The following RASSF4 variants were observed in gnomAD, a reference collection of about 807,000 sequenced individuals.
The protein encoded by RASSF4 is Ras association domain family member 4, also known as ras association domain-containing protein 4.
In RASSF4, 38 loss-of-function variants were observed where a neutral mutation model predicts 41.1. The ratio of observed to expected loss-of-function variants is 0.92; its 90% CI spans 0.71 to 1.21. The LOEUF (loss-of-function observed/expected upper bound fraction) is 1.21. RASSF4 is among the 50% of genes most tolerant of loss of function. The pLI, the probability that RASSF4 is intolerant of heterozygous loss-of-function variation, is 0.00. For missense variants in RASSF4, 414 were observed against 419.4 expected, an observed-to-expected ratio of 0.99 and a Z score of 0.11; for synonymous variants, 179 against 163.4, an observed-to-expected ratio of 1.10 and a Z score of -0.73.
intron 1 of RASSF4, among the ~76,000 whole-genome samples, chr10:44,965,832 C>T (rs1333649843): frequency 2.0e-5 from 3 of 152,216 alleles, no homozygotes; most frequent in Admixed American, 6.5e-5. Flanking sequence ...CTCTCCTTTA[C>T]TTTCCTCCTG....
At chr10:44,963,103 GA>G (rs754504592) in intron 1 of RASSF4, among the ~76,000 whole-genome samples, 2 of 152,054 alleles carry the variant, frequency 1.3e-5, no homozygotes, top group Non-Finnish European at 2.9e-5. Context: ...AGGTGGAGGG[GA>G]GCTCTGTGCC....
chr10:44,989,819 A>C, intron 8 of RASSF4, 98 bp downstream of exon 8: 1 of 1,087,448 alleles, frequency 9.2e-7, no homozygotes, highest in East Asian at 2.4e-5. Flanking sequence ...TCCCTTCCAG[A>C]TGGGCTCCGT....
In RASSF4 at chr10:44,960,257, G is replaced by C. The variant is rs114315508; in HGVS notation, c.-39+391G>C. ...TCGAACGCCAAGATAATAGCAGCAGGGGGGGTCTGTCTCACAATCGCTGTC... is the reference window on the plus strand; with the variant it reads ...TCGAACGCCAAGATAATAGCAGCAGCGGGGGTCTGTCTCACAATCGCTGTC... On this transcript the variant is annotated intron_variant, in intron 1 of 10. Transcript: ENST00000340258. 2.6e-3 allele frequency among the ~76,000 whole-genome samples: 394 copies of C among 152,316 alleles called. 4 individuals are homozygous for C. The highest frequency in any genetic ancestry group is 4.7e-3 in the Non-Finnish European group (317 of 68,014).
At chr10:44,991,184 A>C in intron 9 of RASSF4, 115 bp downstream of exon 9, 2 of 1,010,908 alleles carry the variant, frequency 2.0e-6, no homozygotes, top group East Asian at 2.6e-5. Flanking sequence ...CAGGAGCTCC[A>C]CACTCTCCCA....
rs150292734 is a variant in RASSF4, at chr10:44,972,270, C to T, written c.138+422C>T. The stretch of plus-strand genomic sequence containing the variant: ...ATATCTGCAGGGTCTCACCTGTGGC[C>T]CCTGGTCCCCAGTACTCTCATTTGT... On this transcript the variant is annotated intron_variant, in intron 3 of 10. Transcript: ENST00000340258. 3.4e-3 allele frequency among the ~76,000 whole-genome samples: 513 copies of T among 152,276 alleles called. 3 individuals carry two copies. Among genetic ancestry groups the T allele is most frequent in the African/African-American group, 0.012 (498 of 41,532 alleles).
chr10:44,964,706 T>A (rs1341690297), intron 1 of RASSF4, among the ~76,000 whole-genome samples: 11 of 152,230 alleles, frequency 7.2e-5, no homozygotes, highest in African/African-American at 2.7e-4. Flanking sequence ...GGAGATTCAA[T>A]GCAAAAGGCT....
chr10:44,960,855 A>G (rs1588775976), intron 1 of RASSF4, among the ~76,000 whole-genome samples: 1 of 152,210 alleles, frequency 6.6e-6, no homozygotes, highest in Admixed American at 6.5e-5. Flanking sequence ...TTAACTGCCC[A>G]CAGTACTAAG....
At chr10:44,992,105 C>G (rs1284495960) in intron 10 of RASSF4, 103 bp downstream of exon 10, 2 of 713,714 alleles carry the variant, frequency 2.8e-6, no homozygotes, top group African/African-American at 3.5e-5. Context: ...TCCATGGGCA[C>G]CAGTACCCTG....
intron 3 of RASSF4, chr10:44,978,244 G>A (rs1467376045): frequency 1.8e-6 from 1 of 550,728 alleles, no homozygotes; most frequent in Non-Finnish European, 3.1e-6. Context: ...AACCCCAAAG[G>A]CTTAAGATTT....
At chr10:44,984,997 T>G (rs775055017) in intron 6 of RASSF4, 27 bp downstream of exon 6, 33 of 1,596,060 alleles carry the variant, frequency 2.1e-5, no homozygotes, top group Non-Finnish European at 2.6e-5. Context: ...GCCTCTCCCC[T>G]GGGCGCATGG....
chr10:44,971,383 G>A (rs1363655901), intron 2 of RASSF4: 1 of 408,258 alleles, frequency 2.4e-6, no homozygotes, highest in Non-Finnish European at 5.0e-6. Context: ...AAGTGATATG[G>A]GGAAAAGCAA....
In RASSF4 at chr10:44,984,071, A is replaced by C. The variant is rs1841824292; in HGVS notation, c.331A>C (p.Ile111Leu). 6.2e-7 allele frequency: 1 copy of C among 1,606,892 alleles called. No individual in the cohort carries two copies. The highest frequency in any genetic ancestry group is 8.5e-7 in the Non-Finnish European group (1 of 1,176,994). ...GAACATCACAGCCCAGGGGCCAAGC[A>C]TTCAGCCAGTGCACAAGGCTGAGAG... ...NGNITAQGPS[I>L]QPVHKAESST... Residue 111 changes from isoleucine to leucine, a missense_variant, in exon 5 of 11, where the codon ATT becomes CTT. Transcript: ENST00000340258.
chr10:44,962,619 C>G (rs1564448295), intron 1 of RASSF4, among the ~76,000 whole-genome samples: 1 of 152,326 alleles, frequency 6.6e-6, no homozygotes, highest in Admixed American at 6.5e-5. Context: ...GTCTGCCCCT[C>G]TGCATTGCAC....
At chr10:44,977,183 G>A (rs1841468928) in intron 3 of RASSF4, 1 of 570,372 alleles carries the variant, frequency 1.8e-6, no homozygotes, top group Non-Finnish European at 2.9e-6. Context: ...AAGGGTCAGA[G>A]CGAACGGGAT....
intron 1 of RASSF4, among the ~76,000 whole-genome samples, chr10:44,965,849 C>G (rs1274577168): frequency 6.6e-6 from 1 of 152,214 alleles, no homozygotes; most frequent in Non-Finnish European, 1.5e-5. Context: ...CCTGGTCTGT[C>G]TCCTCTGAGC....
chr10:44,986,638 A>G (rs1249724298), intron 6 of RASSF4, among the ~76,000 whole-genome samples: 2 of 152,250 alleles, frequency 1.3e-5, no homozygotes, highest in Non-Finnish European at 2.9e-5. Flanking sequence ...GAAGTCCCAA[A>G]GAAAAGCACT....
Position 44,969,070 on chromosome 10 carries a change from GTA to G in RASSF4, c.-38-1093_-38-1092del, listed in dbSNP as rs58838503. ...GTGAGTGTGTGTGTTGAGTGTGAATGTATGTGTGTGTGCATGTGATTGTGTAT... is the reference window on the plus strand; with the variant it reads ...GTGAGTGTGTGTGTTGAGTGTGAATGTGTGTGTGTGCATGTGATTGTGTAT... On this transcript the variant is annotated intron_variant, in intron 1 of 10. Coordinates refer to ENST00000340258, the MANE Select transcript of RASSF4 (RefSeq NM_032023.4). 7.6e-3 allele frequency among the ~76,000 whole-genome samples: 1,152 copies of G among 151,318 alleles called. 14 individuals are homozygous for G. Among genetic ancestry groups the G allele is most frequent in the African/African-American group, 0.025 (1,036 of 41,218 alleles).
intron 3 of RASSF4, chr10:44,976,479 C>T (rs914052986): frequency 7.9e-5 from 12 of 152,412 alleles, no homozygotes; most frequent in African/African-American, 2.7e-4. Context: ...TTCCTCCTCT[C>T]CTCTCTCTGT....
intron 1 of RASSF4, among the ~76,000 whole-genome samples, chr10:44,965,621 C>T (rs1207772999): frequency 6.6e-6 from 1 of 152,234 alleles, no homozygotes; most frequent in Non-Finnish European, 1.5e-5. Flanking sequence ...AAGGTTCCCA[C>T]CCTGTAAGGC....
Sources: allele counts gnomAD v4.1 joint callset (sites outside exome capture counted in the v4.1 genomes callset), GRCh38; gene constraint gnomAD v4.1.1; transcripts MANE v1.5; gene names NCBI Gene and HGNC (gene_info 2026-07-23, HGNC 2026-07-21).